The following MMP2 variants were observed in gnomAD, a reference collection of about 807,000 sequenced individuals.
MMP2 encodes the protein matrix metallopeptidase 2.
Under a neutral mutation model 74.8 loss-of-function variants are expected in MMP2, and 39 were observed. The ratio of observed to expected loss-of-function variants is 0.52; its 90% CI spans 0.40 to 0.68. MMP2 has a LOEUF of 0.68. Ranked by LOEUF, MMP2 falls within the 30% of genes least tolerant of loss-of-function variation. MMP2 has a pLI of 0.00. For synonymous variants in MMP2, 367 were observed against 339.8 expected (o/e 1.08, Z -0.88); for missense variants, 803 against 878.3 (o/e 0.91, Z 1.08).
chr16:55,483,916 C>T, intron 2 of MMP2, 100 bp from the exon 3 acceptor site: 1 of 1,303,786 alleles, frequency 7.7e-7, no homozygotes, highest in Non-Finnish European at 1.1e-6. Flanking sequence ...TACACACACA[C>T]ACTCAAACTT....
In MMP2 at chr16:55,484,129, GAGA is replaced by G. The variant is rs1393689585; in HGVS notation, c.495_497del (p.Glu166del). ...CTGCGGTTTTCTCGAATCCATGATGGAGAGGCAGACATCATGATCAACTTTGGC... is the reference window on the plus strand; with the variant it reads ...CTGCGGTTTTCTCGAATCCATGATGGGGCAGACATCATGATCAACTTTGGC... On this transcript the variant is annotated inframe_deletion, in exon 3 of 13. Coordinates refer to ENST00000219070, the MANE Select transcript of MMP2 (RefSeq NM_004530.6). The G allele has an allele frequency of 6.2e-7, 1 of 1,614,198 alleles. No homozygotes were observed. Among genetic ancestry groups the G allele is most frequent in the Admixed American group, 1.7e-5 (1 of 60,012 alleles).
At chr16:55,485,903 C>A in intron 5 of MMP2, 126 bp downstream of exon 5, 3 of 954,532 alleles carry the variant, frequency 3.1e-6, no homozygotes, top group Admixed American at 1.9e-5. Context: ...AGCATCCCTC[C>A]AACGTCCTTC....
intron 11 of MMP2, among the ~76,000 whole-genome samples, chr16:55,502,470 G>A (rs1962690228): frequency 6.6e-6 from 1 of 152,202 alleles, no homozygotes; most frequent in East Asian, 1.9e-4. Flanking sequence ...TGGTAAAACT[G>A]TAGCTGTATG....
intron 9 of MMP2, among the ~76,000 whole-genome samples, chr16:55,493,530 A>T (rs921062189): frequency 1.3e-5 from 2 of 152,132 alleles, no homozygotes; most frequent in Non-Finnish European, 2.9e-5. Context: ...TTTCAGCTAC[A>T]GTTTGGGTTC....
At chr16:55,500,942 C>T (rs181002686) in intron 11 of MMP2, among the ~76,000 whole-genome samples, 2 of 152,356 alleles carry the variant, frequency 1.3e-5, no homozygotes, top group African/African-American at 4.8e-5. Flanking sequence ...ATATGTTCCA[C>T]ATCTGCTGTG....
At chr16:55,485,235 G>C in intron 3 of MMP2, 64 bp from the exon 4 acceptor site, 1 of 1,510,976 alleles carries the variant, frequency 6.6e-7, no homozygotes, top group Non-Finnish European at 8.8e-7. Context: ...ATGTAGATGG[G>C]GTGTGGAGGG....
intron 1 of MMP2, chr16:55,481,962 C>A: frequency 1.6e-6 from 1 of 636,470 alleles, no homozygotes; most frequent in Non-Finnish European, 2.9e-6. Flanking sequence ...CTAACTACTT[C>A]CAACAAGGCT....
chr16:55,502,963 C>T, intron 12 of MMP2, 75 bp downstream of exon 12: 1 of 1,188,074 alleles, frequency 8.4e-7, no homozygotes, highest in Non-Finnish European at 1.2e-6. Flanking sequence ...TGCAAATACA[C>T]ACTTCTTTAT....
At chr16:55,483,573 A>G (rs1486671064) in intron 2 of MMP2, among the ~76,000 whole-genome samples, 1 of 152,170 alleles carries the variant, frequency 6.6e-6, no homozygotes, top group Non-Finnish European at 1.5e-5. Context: ...TAGCAGCCCA[A>G]TTGGGTTATA....
rs779166696 is a variant in MMP2 at position 55,489,645 on chromosome 16, C to A, written c.1007-6C>A. ...TGCGCCTTGACCCGTATCCCTAACC[C>A]CACAGCCATGTCCACTGTTGGTGGG... is the stretch of plus-strand genomic sequence containing the variant. On this transcript the variant is annotated splice_region_variant and splice_polypyrimidine_tract_variant and intron_variant, in intron 6 of 12. Transcript: ENST00000219070. The A allele has an allele frequency of 2.5e-6, 4 of 1,614,062 alleles. No individual in the cohort carries two copies. Among genetic ancestry groups the A allele is most frequent in the Non-Finnish European group, 1.7e-6 (2 of 1,180,036 alleles).
At chr16:55,489,615 T>C in intron 6 of MMP2, 36 bp from the exon 7 acceptor site, 1 of 1,612,396 alleles carries the variant, frequency 6.2e-7, no homozygotes, top group Non-Finnish European at 8.5e-7. Flanking sequence ...CCTCAGACTC[T>C]TTGCTGCGCC....
chr16:55,491,443 A>G (rs1461475936), intron 7 of MMP2, among the ~76,000 whole-genome samples: 2 of 152,126 alleles, frequency 1.3e-5, no homozygotes, highest in Non-Finnish European at 2.9e-5. Context: ...CTCATCTTTT[A>G]TAGAGAGACA....
chr16:55,489,703 C>A lies in MMP2; in HGVS notation c.1059C>A (p.Phe353Leu). 4.3e-6 allele frequency: 7 copies of A among 1,614,200 alleles called. No individual in the cohort carries two copies. The highest frequency in any genetic ancestry group is 5.9e-6 in the Non-Finnish European group (7 of 1,180,042). Residue 353 changes from phenylalanine (F) to leucine (L), a missense_variant, in exon 7 of 13, where the codon TTC (phenylalanine) becomes TTA (leucine). Phe to Leu is a conservative substitution (Grantham distance 22, BLOSUM62 0). Transcript: ENST00000219070. ...AAGGTGCCCCCTGTGTCTTCCCCTT[C>A]ACTTTCCTGGGCAACAAATATGAGA... ...NSEGAPCVFPFTFLGNKYESC... is the reference protein window; with the variant it reads ...NSEGAPCVFPLTFLGNKYESC...
Position 55,483,081 on chromosome 16 carries a change from A to G in MMP2, c.326A>G (p.Asn109Ser), listed in dbSNP as rs778405787. The change falls in exon 2 of 13, where the codon AAC (asparagine) becomes AGC (serine). Residue 109 changes from asparagine (N) to serine (S), a missense_variant. Around this residue, in one of 3 missense-constraint regions of MMP2, gnomAD observed 223 missense variants for 232.8 expected, o/e 0.96. Transcript: ENST00000219070. The stretch of plus-strand genomic sequence containing the variant: ...CGCTGCGGCAACCCAGATGTGGCCA[A>G]CTACAACTTCTTCCCTCGCAAGCCC... The part of the protein sequence containing the change: ...KPRCGNPDVA[N>S]YNFFPRKPKW... 2.5e-6 allele frequency: 4 copies of G among 1,614,010 alleles called. No homozygotes were observed. In the Admixed American group the frequency reaches 5.0e-5, roughly 20 times the overall value.
intron 1 of MMP2, chr16:55,481,907 T>C: frequency 1.4e-6 from 1 of 720,014 alleles, no homozygotes. Flanking sequence ...CTAGCCATTA[T>C]TCTATTATAT....
upstream of MMP2, chr16:55,479,137 G>T (rs941810855): frequency 2.8e-5 from 5 of 179,858 alleles, no homozygotes; most frequent in African/African-American, 9.4e-5. Flanking sequence ...CCCCAGCCCC[G>T]CTCTGCCAGC....
In MMP2 at chr16:55,484,215, C is replaced by T. The variant is rs17859874; in HGVS notation, c.529+51C>T. The T allele has an allele frequency of 6.7e-4, 1,061 of 1,592,570 alleles. 2 individuals are homozygous for T. In the African/African-American group the frequency reaches 0.011, roughly 17 times the overall value. ...GGGCCAGCAGGGATCAGTGTTGAGA[C>T]GAGGGGGTGAGATGGACATTAGAGG... On this transcript the variant is annotated intron_variant, in intron 3 of 12. Coordinates refer to ENST00000219070, the MANE Select transcript of MMP2 (RefSeq NM_004530.6).
At chr16:55,486,347 C>CTGTGTGTGTGTGTGTGTGTGTGTG (rs57608135) in intron 5 of MMP2, among the ~76,000 whole-genome samples, 3 of 137,728 alleles carry the variant, frequency 2.2e-5, no homozygotes, top group Admixed American at 2.2e-4. Flanking sequence ...GTGTGTGTGC[C>CTGTGTGTGTGTGTGTGTGTGTGTG]TGTGTGTGTG....
Position 55,488,651 on chromosome 16 carries a change from A to G in MMP2, c.941A>G (p.Tyr314Cys). ...ACCACTGAGGGCCGCACGGATGGCT[A>G]CCGCTGGTGCGGCACCACTGAGGAC... is the stretch of plus-strand genomic sequence containing the variant. ...SCTTEGRTDG[Y>C]RWCGTTEDYD... The change falls in exon 6 of 13, where the codon TAC becomes TGC. Residue 314 changes from tyrosine (Y) to cysteine (C), a missense_variant. This residue lies in a region of MMP2 where 555 missense variants were observed against 592.0 expected (regional missense o/e 0.94). Transcript: ENST00000219070. The G allele has an allele frequency of 6.2e-7, 1 of 1,613,512 alleles. No homozygotes were observed. The highest frequency in any genetic ancestry group is 8.5e-7 in the Non-Finnish European group (1 of 1,179,822).
Sources: gnomAD v4.1 joint callset for allele counts (sites outside exome capture counted in the v4.1 genomes callset) on GRCh38, gnomAD v4.1.1 for gene constraint, gnomAD v4.1.1 regional missense constraint, MANE v1.5 for transcripts, NCBI Gene and HGNC (gene_info 2026-07-23, HGNC 2026-07-21) for gene names.